SNX6: variants seen among roughly 807,000 people sequenced by gnomAD.
SNX6 encodes sorting nexin 6, also known as sorting nexin-6.
A neutral mutation model predicts 63.0 loss-of-function variants in SNX6; 34 were observed. The observed-to-expected ratio is 0.54, with a 90% CI of 0.41 to 0.72. SNX6 has a LOEUF of 0.72. Among genes scored for constraint, SNX6 ranks in the 30% least tolerant of loss-of-function variants. The pLI is 0.00. For missense variants in SNX6, 398 were observed against 471.4 expected (o/e 0.84, Z 1.44); for synonymous variants, 170 against 164.2 (o/e 1.04, Z -0.27).
rs1052341652 is a variant in SNX6, at chr14:34,562,971, G to A, written c.*151C>T. 1.2e-5 allele frequency: 9 copies of A among 736,798 alleles called. No individual in the cohort carries two copies. The highest frequency in any genetic ancestry group is 2.6e-5 in the Admixed American group (1 of 38,642). 45.6% of individuals were successfully genotyped at this position (736,798 alleles called of 1,614,324 possible). ...GACTGGCATCGCCTGGGCGTGCGCT[G>A]CTCCATGTTTCTCAGAAAAAGAGGA... On this transcript the variant is annotated 3_prime_UTR_variant, in exon 14 of 14. Coordinates refer to ENST00000362031, the MANE Select transcript of SNX6 (RefSeq NM_152233.4).
rs541274727 is a variant in SNX6, at chr14:34,625,642, G to A, written c.54+4265C>T. Among the ~76,000 whole-genome samples the A allele has an allele frequency of 2.0e-5, 3 of 152,262 alleles. No homozygotes were observed. In the South Asian group the frequency reaches 6.2e-4, roughly 32 times the overall value. On this transcript the variant is annotated intron_variant, in intron 2 of 13. Transcript: ENST00000362031. ...CCCAGCTACTCAGGAGGCTGAGACAGGAGAATCACCTTAACCCGGGAGGTG... is the reference window on the plus strand; with the variant it reads ...CCCAGCTACTCAGGAGGCTGAGACAAGAGAATCACCTTAACCCGGGAGGTG...
At chr14:34,564,101 C>A (rs980463236) in intron 13 of SNX6, among the ~76,000 whole-genome samples, 1 of 152,152 alleles carries the variant, frequency 6.6e-6, no homozygotes, top group Non-Finnish European at 1.5e-5. Flanking sequence ...GATCTTGGCT[C>A]AGTGCAACCT....
intron 7 of SNX6, among the ~76,000 whole-genome samples, chr14:34,593,858 G>A (rs950432056): frequency 2.0e-5 from 3 of 151,212 alleles, no homozygotes; most frequent in South Asian, 2.1e-4. Flanking sequence ...AATTACAGAT[G>A]TGACCCACCA....
At chr14:34,597,699 C>G (rs1659217912) in intron 6 of SNX6, 54 bp from the exon 7 acceptor site, 2 of 946,908 alleles carry the variant, frequency 2.1e-6, no homozygotes, top group African/African-American at 3.3e-5. Context: ...AGCAGTGCCT[C>G]CTTTATTCTT....
At chr14:34,592,642 C>G (rs1365843728) in intron 8 of SNX6, among the ~76,000 whole-genome samples, 1 of 152,208 alleles carries the variant, frequency 6.6e-6, no homozygotes, top group East Asian at 1.9e-4. Context: ...CAGCTCACTG[C>G]AGCCTCAACC....
chr14:34,591,548 C>T (rs909995428), intron 8 of SNX6, among the ~76,000 whole-genome samples: 3 of 151,666 alleles, frequency 2.0e-5, no homozygotes, highest in African/African-American at 2.4e-5. Context: ...TGCAGTGAGA[C>T]GAGATCGTAC....
chr14:34,607,928 C>T (rs1471589813), intron 4 of SNX6, 102 bp downstream of exon 4: 6 of 576,182 alleles, frequency 1.0e-5, no homozygotes, highest in Middle Eastern at 5.1e-4. Context: ...CAAAACAAAA[C>T]AAAAAAACAG....
At chr14:34,602,572 C>CA (rs1882859021) in intron 6 of SNX6, among the ~76,000 whole-genome samples, 1 of 132,590 alleles carries the variant, frequency 7.5e-6, no homozygotes, top group Non-Finnish European at 1.6e-5. Context: ...GCCTGGACGA[C>CA]AGAGCAAGAC....
chr14:34,587,342 C>A (rs916195252), intron 8 of SNX6, among the ~76,000 whole-genome samples: 8 of 151,598 alleles, frequency 5.3e-5, no homozygotes, highest in Admixed American at 2.0e-4. Flanking sequence ...ACCATCCTGG[C>A]TAACACGGTG....
intron 4 of SNX6, 102 bp from the exon 5 acceptor site, chr14:34,605,819 C>A: frequency 7.4e-7 from 1 of 1,358,518 alleles, no homozygotes; most frequent in South Asian, 1.6e-5. Context: ...CTAAGGGGAT[C>A]CAGAATGAGC....
chr14:34,590,158 G>A (rs1323234908), intron 8 of SNX6, among the ~76,000 whole-genome samples: 1 of 152,044 alleles, frequency 6.6e-6, no homozygotes, highest in Non-Finnish European at 1.5e-5. Flanking sequence ...GCCAGGAGCA[G>A]TGGCTCATGC....
rs139084307 is a variant in SNX6, at chr14:34,612,412, T to C, written c.55-2670A>G. Among the ~76,000 whole-genome samples the C allele has an allele frequency of 6.7e-4, 102 of 152,244 alleles. 1 individual carries two copies. Among genetic ancestry groups the C allele is most frequent in the African/African-American group, 2.3e-3 (95 of 41,578 alleles). Reference sequence around the variant, plus strand: ...GGGATTTTGAGATTATCCTGGATTATCCAGGTGGGCCTTAAAGGCAATCAC... The same window carrying C: ...GGGATTTTGAGATTATCCTGGATTACCCAGGTGGGCCTTAAAGGCAATCAC... On this transcript the variant is annotated intron_variant, in intron 2 of 13. Coordinates refer to ENST00000362031, the MANE Select transcript of SNX6 (RefSeq NM_152233.4).
chr14:34,608,293 T>C (rs975342827), intron 3 of SNX6, among the ~76,000 whole-genome samples, 153 bp from the exon 4 acceptor site: 9 of 152,240 alleles, frequency 5.9e-5, no homozygotes, highest in African/African-American at 2.2e-4. Context: ...TCCTCCCACC[T>C]CAGCCTCCGA....
At chr14:34,603,510 T>C in intron 5 of SNX6, 39 bp from the exon 6 acceptor site, 1 of 1,512,846 alleles carries the variant, frequency 6.6e-7, no homozygotes, top group Admixed American at 2.3e-5. Context: ...AAAAACTCCA[T>C]CAACTAAAAA....
At chr14:34,581,416 T>C in intron 10 of SNX6, 145 bp downstream of exon 10, 1 of 458,114 alleles carries the variant, frequency 2.2e-6, no homozygotes, top group Admixed American at 3.4e-5. Flanking sequence ...CCTCCCAAAG[T>C]GTTGGGATTA....
At chr14:34,575,930 G>GTT (rs34357905) in intron 10 of SNX6, 88 bp from the exon 11 acceptor site, 15,203 of 518,316 alleles carry the variant, frequency 0.029, 1 homozygote, top group Non-Finnish European at 0.037. Flanking sequence ...TTGTTTTTTT[G>GTT]TTTTTTTTTT....
chr14:34,621,108 CCT>C (rs771128847), intron 2 of SNX6, among the ~76,000 whole-genome samples: 9 of 151,922 alleles, frequency 5.9e-5, no homozygotes, highest in Non-Finnish European at 1.3e-4. Context: ...GTGACCACAC[CCT>C]GTTAATTTTT....
In SNX6 at chr14:34,585,844, C is replaced by T. The variant is rs572560612; in HGVS notation, c.794+386G>A. Among the ~76,000 whole-genome samples, 29 of 152,054 alleles carry T rather than the reference C, an allele frequency of 1.9e-4. 1 individual carries two copies. Among genetic ancestry groups the T allele is most frequent in the African/African-American group, 7.0e-4 (29 of 41,518 alleles). ...CTTGAACTCCGGACCTCAGGTTTTC[C>T]ACCTCCCAAAGTGCTGGGATTACAG... On this transcript the variant is annotated intron_variant, in intron 9 of 13. Coordinates refer to ENST00000362031, the MANE Select transcript of SNX6 (RefSeq NM_152233.4).
chr14:34,607,579 C>T (rs762957305), intron 4 of SNX6, among the ~76,000 whole-genome samples: 3 of 152,000 alleles, frequency 2.0e-5, no homozygotes, highest in African/African-American at 4.8e-5. Flanking sequence ...CATTGCATTC[C>T]AGCCTGAGCA....
Sources: allele counts gnomAD v4.1 joint callset (sites outside exome capture counted in the v4.1 genomes callset), GRCh38; gene constraint gnomAD v4.1.1; transcripts MANE v1.5; gene names NCBI Gene and HGNC (gene_info 2026-07-23, HGNC 2026-07-21).